The following FSTL5 variants were observed in gnomAD, a reference collection of about 807,000 sequenced individuals.
The protein encoded by FSTL5 is follistatin like 5.
A neutral mutation model predicts 89.1 loss-of-function variants in FSTL5; 62 were observed. The ratio of observed to expected loss-of-function variants is 0.70; its 90% confidence interval spans 0.57 to 0.86. The LOEUF (loss-of-function observed/expected upper bound fraction) is 0.86, where lower values mean the gene tolerates loss of function less well. Among genes scored for constraint, FSTL5 ranks in the 40% least tolerant of loss-of-function variants. FSTL5 has a pLI of 0.00. For synonymous variants in FSTL5, 383 were observed against 346.2 expected, an observed-to-expected ratio of 1.11 and a Z score of -1.18; for missense variants, 1,057 against 1,001.6, an observed-to-expected ratio of 1.06 and a Z score of -0.75.
intron 3 of FSTL5, among the ~76,000 whole-genome samples, chr4:161,975,413 C>T (rs1735605687): frequency 1.3e-5 from 2 of 151,822 alleles, no homozygotes; most frequent in East Asian, 3.9e-4. Context: ...CCATGGAATA[C>T]TATGCAGCCA....
intron 4 of FSTL5, among the ~76,000 whole-genome samples, chr4:161,808,985 G>A (rs1177680813): frequency 2.6e-5 from 4 of 152,258 alleles, no homozygotes; most frequent in South Asian, 2.1e-4. Flanking sequence ...TTGGGAGGCC[G>A]AGGCGGGCAG....
chr4:161,416,597 C>A (rs1045985634), intron 15 of FSTL5, among the ~76,000 whole-genome samples: 2 of 152,140 alleles, frequency 1.3e-5, no homozygotes, highest in Non-Finnish European at 1.5e-5. Context: ...GTGATCCCAG[C>A]ACTTTGGGAG....
intron 6 of FSTL5, among the ~76,000 whole-genome samples, chr4:161,724,347 A>C (rs1739320293): frequency 2.0e-5 from 3 of 152,190 alleles, no homozygotes; most frequent in Non-Finnish European, 2.9e-5. Context: ...TGGAACTAAT[A>C]GGCCGATGTA....
At position 161,588,997 on chromosome 4, in the gene FSTL5, GTTT is replaced by G. The variant is rs879331171; in HGVS notation, c.895-1425_895-1423del. Among the ~76,000 whole-genome samples the G allele has an allele frequency of 7.5e-3, 986 of 130,932 alleles. 5 individuals are homozygous for G. The highest frequency in any genetic ancestry group is 0.025 in the African/African-American group (913 of 36,224). The allele number at this position is 130,932 out of a possible 152,430, so 85.9% of individuals were successfully genotyped here. A position where few individuals can be genotyped will look rare whatever the true frequency, so the allele number is the denominator to read the frequency against. On this transcript the variant is annotated intron_variant, in intron 7 of 15. Transcript: ENST00000306100. ...CTGTGTAAAGAGCCCTATCCCTAAT[GTTT>G]TTTTTTTTTTTTTTTGAGGCAGGGT...
intron 4 of FSTL5, among the ~76,000 whole-genome samples, chr4:161,861,305 G>A (rs929049250): frequency 6.6e-6 from 1 of 152,000 alleles, no homozygotes; most frequent in Non-Finnish European, 1.5e-5. Flanking sequence ...TGCCGCAATC[G>A]CAGCTGCTTG....
chr4:161,921,926 T>C (rs561091542), intron 3 of FSTL5, among the ~76,000 whole-genome samples: 35 of 152,168 alleles, frequency 2.3e-4, no homozygotes, highest in Non-Finnish European at 3.4e-4. Flanking sequence ...TCTTCAAAAA[T>C]TGGTTTTCAA....
At chr4:161,691,083 G>A (rs184348074) in intron 6 of FSTL5, among the ~76,000 whole-genome samples, 16 of 151,044 alleles carry the variant, frequency 1.1e-4, no homozygotes, top group South Asian at 8.4e-4. Flanking sequence ...TTCTTTTATC[G>A]CTCATGCTTT....
rs111230455 is a variant in FSTL5, at chr4:162,006,270, G to A, written c.160+27355C>T. On this transcript the variant is annotated intron_variant, in intron 3 of 15. Coordinates refer to ENST00000306100, the MANE Select transcript of FSTL5 (RefSeq NM_020116.5). ...AATAACATTTATATCTTTAGTAAGT[G>A]TATACAAGGACTTTCCCTGTTTTAT... 4.8e-3 allele frequency among the ~76,000 whole-genome samples: 732 copies of A among 151,994 alleles called. 2 individuals are homozygous for A. The highest frequency in any genetic ancestry group is 8.1e-3 in the Non-Finnish European group (549 of 67,868).
intron 8 of FSTL5, among the ~76,000 whole-genome samples, chr4:161,576,159 G>A (rs1733200120): frequency 6.6e-6 from 1 of 152,100 alleles, no homozygotes; most frequent in African/African-American, 2.4e-5. Context: ...ACTCCTCAAG[G>A]AAATAAGAGA....
intron 15 of FSTL5, among the ~76,000 whole-genome samples, chr4:161,444,456 G>C (rs1452519209): frequency 6.6e-6 from 1 of 151,634 alleles, no homozygotes; most frequent in Non-Finnish European, 1.5e-5. Context: ...TTCCAGGCTA[G>C]GTCTGTGTGG....
intron 7 of FSTL5, among the ~76,000 whole-genome samples, chr4:161,639,687 C>G (rs978932267): frequency 2.0e-5 from 3 of 152,126 alleles, no homozygotes; most frequent in Non-Finnish European, 4.4e-5. Flanking sequence ...TCAATTTCAG[C>G]TATATTGTCA....
chr4:161,884,947 T>G (rs971405403), intron 4 of FSTL5, among the ~76,000 whole-genome samples: 1 of 152,140 alleles, frequency 6.6e-6, no homozygotes, highest in African/African-American at 2.4e-5. Context: ...TTCATCTCAA[T>G]TTTAGATATT....
intron 8 of FSTL5, among the ~76,000 whole-genome samples, chr4:161,569,795 A>C (rs1231023748): frequency 9.2e-6 from 1 of 108,352 alleles, no homozygotes; most frequent in Admixed American, 9.7e-5. Flanking sequence ...ACACACACAC[A>C]CACACCCCAC....
chr4:161,968,934 T>TACACACACACACACAC (rs147433060), intron 3 of FSTL5, among the ~76,000 whole-genome samples: 45 of 140,240 alleles, frequency 3.2e-4, no homozygotes, highest in East Asian at 1.1e-3. Context: ...GACACAGACA[T>TACACACACACACACAC]ACACACACAC....
chr4:161,888,680 A>T (rs1293694551), intron 4 of FSTL5, among the ~76,000 whole-genome samples: 1 of 152,092 alleles, frequency 6.6e-6, no homozygotes, highest in African/African-American at 2.4e-5. Flanking sequence ...AATTATATTT[A>T]ATATATATTA....
chr4:161,859,965 A>T (rs1212056756), intron 4 of FSTL5, among the ~76,000 whole-genome samples: 2 of 152,208 alleles, frequency 1.3e-5, no homozygotes, highest in African/African-American at 4.8e-5. Flanking sequence ...ACAACAATGT[A>T]TGCAATGCTT....
In FSTL5 at chr4:161,459,206, A is replaced by G; in HGVS notation, c.1716+6T>C. 1 of 1,456,472 alleles carries G rather than the reference A, an allele frequency of 6.9e-7. No homozygotes were observed. The highest frequency in any genetic ancestry group is 9.6e-7 in the Non-Finnish European group (1 of 1,036,660). The allele number at this position is 1,456,472 out of a possible 1,614,324, so 90.2% of individuals were successfully genotyped here. On this transcript the variant is annotated splice_donor_region_variant and intron_variant, in intron 14 of 15. Transcript: ENST00000306100. ...TATTTTCTCTAATATACTGAAATGT[A>G]CTTACCTGTAGTGTTGGTGATGTCT...
chr4:161,389,154 A>T (rs1363316562), intron 15 of FSTL5, among the ~76,000 whole-genome samples: 1 of 152,068 alleles, frequency 6.6e-6, no homozygotes, highest in African/African-American at 2.4e-5. Context: ...CCCACTGTTC[A>T]TTAGTCTCTG....
chr4:162,018,592 C>T (rs1243207980), intron 3 of FSTL5, among the ~76,000 whole-genome samples: 5 of 151,876 alleles, frequency 3.3e-5, no homozygotes, highest in African/African-American at 1.2e-4. Flanking sequence ...CTTGTCATAA[C>T]TTTTTTCTCT....
Sources: allele counts gnomAD v4.1 joint callset (sites outside exome capture counted in the v4.1 genomes callset), GRCh38; gene constraint gnomAD v4.1.1; transcripts MANE v1.5; gene names NCBI Gene and HGNC (gene_info 2026-07-23, HGNC 2026-07-21).